The following SGCD variants were observed in gnomAD, a reference collection of about 807,000 sequenced individuals.
The protein encoded by SGCD is sarcoglycan delta.
Under a neutral mutation model 36.6 loss-of-function variants are expected in SGCD, and 18 were observed. The observed-to-expected ratio is 0.49, with a 90% CI of 0.34 to 0.73. The LOEUF is 0.73. SGCD is among the 30% of genes least tolerant of loss of function. SGCD has a pLI of 0.01. For missense variants in SGCD, 387 were observed against 346.7 expected (o/e 1.12, Z -0.92); for synonymous variants, 133 against 130.6 (o/e 1.02, Z -0.12).
At chr5:156,564,126 C>A (rs1759380498) in intron 4 of SGCD, among the ~76,000 whole-genome samples, 1 of 152,200 alleles carries the variant, frequency 6.6e-6, no homozygotes, top group South Asian at 2.1e-4. Flanking sequence ...GTTTTTAGTT[C>A]TCCCAAGATC....
intron 3 of SGCD, among the ~76,000 whole-genome samples, chr5:156,143,991 G>GT (rs912644033): frequency 1.4e-3 from 200 of 143,724 alleles, no homozygotes; most frequent in Non-Finnish European, 2.0e-3. Context: ...TGTGGTGTTT[G>GT]TTTTTTTTTC....
intron 7 of SGCD, among the ~76,000 whole-genome samples, chr5:156,676,360 A>T (rs1166589388): frequency 6.6e-6 from 1 of 152,178 alleles, no homozygotes; most frequent in Non-Finnish European, 1.5e-5. Context: ...TTCCAGGAAT[A>T]TTAATTATTT....
chr5:156,606,080 T>TTGCCATTGCTTTTGG (rs1761434678), intron 6 of SGCD, among the ~76,000 whole-genome samples: 1 of 152,234 alleles, frequency 6.6e-6, no homozygotes, highest in Non-Finnish European at 1.5e-5. Flanking sequence ...TTGGCTTTTG[T>TTGCCATTGCTTTTGG]TGCCATTGCT....
At chr5:156,730,444 G>A (rs1332101644) in intron 7 of SGCD, among the ~76,000 whole-genome samples, 3 of 151,992 alleles carry the variant, frequency 2.0e-5, no homozygotes, top group Non-Finnish European at 4.4e-5. Flanking sequence ...TCATAATTTA[G>A]CTCCCATTTA....
intron 3 of SGCD, among the ~76,000 whole-genome samples, chr5:156,353,450 AAAG>A (rs1769353437): frequency 6.6e-6 from 1 of 152,218 alleles, no homozygotes; most frequent in South Asian, 2.1e-4. Context: ...TTACATGAGA[AAAG>A]AAGGGTAATG....
chr5:156,591,577 T>G (rs973350687), intron 5 of SGCD, among the ~76,000 whole-genome samples: 1 of 152,190 alleles, frequency 6.6e-6, no homozygotes, highest in African/African-American at 2.4e-5. Flanking sequence ...CCACCAGGCC[T>G]TTGCACCTCC....
chr5:155,817,219 A>G, the SGCD span, among the ~76,000 whole-genome samples: 2 of 152,194 alleles, frequency 1.3e-5, no homozygotes, highest in African/African-American at 4.8e-5. Flanking sequence ...TAATGCTGCA[A>G]TGAATACTGC....
chr5:156,367,268 G>A (rs1770152608), intron 3 of SGCD, among the ~76,000 whole-genome samples: 1 of 152,196 alleles, frequency 6.6e-6, no homozygotes, highest in East Asian at 1.9e-4. Context: ...ATGCAGGAAA[G>A]GGCATGGAGA....
chr5:156,334,318 G>A (rs896948712), intron 2 of SGCD, among the ~76,000 whole-genome samples: 6 of 152,260 alleles, frequency 3.9e-5, no homozygotes, highest in East Asian at 1.9e-4. Flanking sequence ...GGCCATGATG[G>A]GGTAGATACA....
intron 3 of SGCD, among the ~76,000 whole-genome samples, chr5:156,422,320 T>C (rs930388383): frequency 1.3e-5 from 2 of 152,072 alleles, no homozygotes; most frequent in Admixed American, 6.6e-5. Flanking sequence ...AATAACAAAG[T>C]CACTGTTTTG....
chr5:155,771,430 A>T, the SGCD span, among the ~76,000 whole-genome samples: 2 of 142,040 alleles, frequency 1.4e-5, no homozygotes, highest in Non-Finnish European at 3.1e-5. Flanking sequence ...TTAATTTTTA[A>T]TTTTTTTTTT....
chr5:156,719,646 A>G (rs1395911220), intron 7 of SGCD, among the ~76,000 whole-genome samples: 2 of 152,084 alleles, frequency 1.3e-5, no homozygotes, highest in Non-Finnish European at 1.5e-5. Flanking sequence ...GCACTATACA[A>G]TAGAAACTTA....
chr5:156,188,662 C>A (rs981861007), intron 3 of SGCD, among the ~76,000 whole-genome samples: 1 of 88,344 alleles, frequency 1.1e-5, no homozygotes, highest in Non-Finnish European at 2.4e-5. Flanking sequence ...TCTGACCACC[C>A]CAACCGCCCC....
chr5:156,722,133 C>T (rs1438739685), intron 7 of SGCD, among the ~76,000 whole-genome samples: 1 of 152,176 alleles, frequency 6.6e-6, no homozygotes, highest in African/African-American at 2.4e-5. Flanking sequence ...GAAGGAACGC[C>T]ATTCTGCTGA....
At chr5:156,676,211 T>C (rs1296349067) in intron 7 of SGCD, among the ~76,000 whole-genome samples, 1 of 152,210 alleles carries the variant, frequency 6.6e-6, no homozygotes, top group Non-Finnish European at 1.5e-5. Context: ...TGAAAGCCAA[T>C]TGAGTACCTA....
intron 3 of SGCD, among the ~76,000 whole-genome samples, chr5:156,422,635 TA>T (rs937252917): frequency 6.6e-6 from 1 of 152,008 alleles, no homozygotes; most frequent in African/African-American, 2.4e-5. Context: ...AGTTTCCTTA[TA>T]TATAAAGCAG....
At chr5:156,124,936 G>T (rs1202562064) in intron 3 of SGCD, among the ~76,000 whole-genome samples, 1 of 152,106 alleles carries the variant, frequency 6.6e-6, no homozygotes, top group Non-Finnish European at 1.5e-5. Context: ...CAAGTAAAAA[G>T]ATTTTCTAAG....
At position 156,608,334 on chromosome 5, in the gene SGCD, T is replaced by C. The variant is rs547276231; in HGVS notation, c.502+13283T>C. On this transcript the variant is annotated intron_variant, in intron 6 of 8. Transcript: ENST00000337851. The stretch of plus-strand genomic sequence containing the variant: ...GTCATTCAGGAGCAGGTTGTTCAGT[T>C]TCCATGTAGTTGAGCGGTTTTGAGT... Among the ~76,000 whole-genome samples the C allele has an allele frequency of 3.3e-5, 5 of 152,332 alleles. No homozygotes were observed. In the South Asian group the frequency reaches 1.0e-3, roughly 32 times the overall value.
At chr5:156,459,827 G>A (rs1754408448) in intron 3 of SGCD, among the ~76,000 whole-genome samples, 1 of 152,156 alleles carries the variant, frequency 6.6e-6, no homozygotes, top group East Asian at 1.9e-4. Flanking sequence ...CTACAGATTA[G>A]CTAGGATTTC....
Sources: gnomAD v4.1 joint callset for allele counts (sites outside exome capture counted in the v4.1 genomes callset) on GRCh38, gnomAD v4.1.1 for gene constraint, MANE v1.5 for transcripts, NCBI Gene and HGNC (gene_info 2026-07-23, HGNC 2026-07-21) for gene names.